SH3TC1: variants seen among roughly 807,000 people sequenced by gnomAD.
The protein encoded by SH3TC1 is SH3 domain and tetratricopeptide repeat-containing protein 1.
A neutral mutation model predicts 117.3 loss-of-function variants in SH3TC1; 135 were observed. The observed-to-expected ratio is 1.15, with a 90% confidence interval of 1.00 to 1.33. The LOEUF is 1.33. Ranked by LOEUF, SH3TC1 falls within the 40% of genes most tolerant of loss-of-function variation. The probability of loss-of-function intolerance (pLI) is 0.00; values close to 1 mark genes in which losing one functional copy is unlikely to be tolerated. For synonymous variants in SH3TC1, 898 were observed against 816.9 expected (o/e 1.10, Z -1.69); for missense variants, 2,092 against 1,794.3 (o/e 1.17, Z -3.00).
intron 12 of SH3TC1, 93 bp downstream of exon 12, chr4:8,228,737 C>A (rs1720837890): frequency 1.8e-6 from 2 of 1,111,240 alleles, no homozygotes; most frequent in African/African-American, 3.1e-5. Flanking sequence ...GGTGGTTTTT[C>A]CACCATCGAA....
intron 1 of SH3TC1, chr4:8,204,676 C>G (rs1178060752): frequency 1.3e-5 from 2 of 152,574 alleles, no homozygotes; most frequent in African/African-American, 4.8e-5. Context: ...TGGGGTTTGT[C>G]CCCTGTGCAC....
intron 1 of SH3TC1, among the ~76,000 whole-genome samples, chr4:8,203,467 C>T (rs1008910985): frequency 4.6e-5 from 7 of 151,922 alleles, no homozygotes; most frequent in South Asian, 2.1e-4. Flanking sequence ...CAGTCTTGAC[C>T]GCCTCTGGGT....
At chr4:8,236,479 C>A in intron 16 of SH3TC1, 51 bp downstream of exon 16, 1 of 1,423,312 alleles carries the variant, frequency 7.0e-7, no homozygotes, top group Non-Finnish European at 9.2e-7. Context: ...TGCCAGAGCT[C>A]AGCCTCCAGG....
chr4:8,240,737 GC>G lies in SH3TC1; in HGVS notation c.3794del (p.Ala1265GlufsTer13). 3 of 1,613,818 alleles carry G rather than the reference GC, an allele frequency of 1.9e-6. No homozygotes were observed. The highest frequency in any genetic ancestry group is 2.5e-6 in the Non-Finnish European group (3 of 1,179,960). On this transcript the variant is annotated frameshift_variant, in exon 18 of 18. Transcript: ENST00000245105. LOFTEE classifies it low-confidence loss of function (END_TRUNC). Reference protein sequence around the residue: ...DAAGYYQLALAAAVDLGNKKA... With the variant: ...DAAGYYQLALXAAVDLGNKKA... ...AGCCGGGTACTACCAGCTGGCGCTG[GC>G]AGCCGCCGTGGACCTGGGCAACAAG...
chr4:8,196,685 G>A (rs1164374607), upstream of SH3TC1, among the ~76,000 whole-genome samples: 1 of 152,168 alleles, frequency 6.6e-6, no homozygotes, highest in East Asian at 1.9e-4. This position sits in a 1 kb window ranked among gnomAD's most constrained non-coding sequence, Gnocchi z 4.6. Context: ...TCCAGCTGGT[G>A]GGGGCTGGGC....
At chr4:8,207,805 C>T (rs532720033) in intron 2 of SH3TC1, among the ~76,000 whole-genome samples, 3 of 152,340 alleles carry the variant, frequency 2.0e-5, no homozygotes, top group Admixed American at 2.0e-4. Context: ...CCTGCCATAG[C>T]CCTGGGATCG....
At chr4:8,182,628 C>T (rs1281312847) in intron 1 of SH3TC1, among the ~76,000 whole-genome samples, 1 of 152,152 alleles carries the variant, frequency 6.6e-6, no homozygotes, top group Non-Finnish European at 1.5e-5. Context: ...ACCCTCCGTG[C>T]CTCAGTTTCC....
In SH3TC1 at chr4:8,199,794, G is replaced by C. The variant is rs112306243; in HGVS notation, c.-29+389G>C. Among the ~76,000 whole-genome samples the C allele has an allele frequency of 3.5e-3, 533 of 152,280 alleles. 6 individuals carry two copies. The highest frequency in any genetic ancestry group is 0.012 in the African/African-American group (510 of 41,568). ...CAGGTGTGACCCCAGCGCCCGGTTA[G>C]CTTGGGCCACACTACCAGACCTACC... On this transcript the variant is annotated intron_variant, in intron 1 of 17. Transcript: ENST00000245105.
At chr4:8,194,667 A>G (rs1717507513), upstream of SH3TC1, among the ~76,000 whole-genome samples, 2 of 152,216 alleles carry the variant, frequency 1.3e-5, no homozygotes, top group South Asian at 2.1e-4. Flanking sequence ...CACCCTGGCG[A>G]TGGGTCACCT....
rs753156511 is a variant in SH3TC1 at position 8,237,614 on chromosome 4, C to T, written c.3697C>T (p.Leu1233Phe). Residue 1233 changes from leucine to phenylalanine, a missense_variant, in exon 17 of 18, where the codon CTC (leucine) becomes TTC (phenylalanine). Leu to Phe is a conservative substitution (Grantham distance 22). Coordinates refer to ENST00000245105, the MANE Select transcript of SH3TC1 (RefSeq NM_018986.5). ...GCCGCTGGAGTTTGACGAGGAGACC[C>T]TCTACTACGTGAAGGTGTACCTGGT... ...NSPLEFDEET[L>F]YYVKVYLVLG... 4.3e-6 allele frequency: 7 copies of T among 1,612,480 alleles called. No individual in the cohort carries two copies. Among genetic ancestry groups the T allele is most frequent in the South Asian group, 1.1e-5 (1 of 90,850 alleles).
chr4:8,209,928 A>G lies in SH3TC1; in HGVS notation c.247+106A>G. ...AGGGCTTCTCAAAGTGTGGCCTCAG[A>G]CTTCCCACCTTAAAATCATGATGGG... On this transcript the variant is annotated intron_variant, in intron 3 of 17. Coordinates refer to ENST00000245105, the MANE Select transcript of SH3TC1 (RefSeq NM_018986.5). The surrounding 1 kb of genome is among the most constrained non-coding windows in gnomAD (Gnocchi z 5.9). 1 of 1,117,860 alleles carries G rather than the reference A, an allele frequency of 8.9e-7. No homozygotes were observed. The highest frequency in any genetic ancestry group is 1.6e-5 in the African/African-American group (1 of 64,020). 69.2% of individuals were successfully genotyped at this position (1,117,860 alleles called of 1,614,324 possible). A position where few individuals can be genotyped will look rare whatever the true frequency, so the allele number is the denominator to read the frequency against.
chr4:8,209,872 G>C lies in SH3TC1; in HGVS notation c.247+50G>C, dbSNP rs775975398. 5.1e-6 allele frequency: 8 copies of C among 1,574,852 alleles called. No individual in the cohort carries two copies. In the South Asian group the frequency reaches 8.0e-5, roughly 16 times the overall value. On this transcript the variant is annotated intron_variant, in intron 3 of 17. Coordinates refer to ENST00000245105, the MANE Select transcript of SH3TC1 (RefSeq NM_018986.5). The surrounding 1 kb of genome is among the most constrained non-coding windows in gnomAD (Gnocchi z 5.9). Reference sequence around the variant, plus strand: ...GGCTTCAGGTTCAAATCCGGGCTGTGCCGCTCCCTGGGCATCCAAGAGTCC... The same window carrying C: ...GGCTTCAGGTTCAAATCCGGGCTGTCCCGCTCCCTGGGCATCCAAGAGTCC...
At chr4:8,218,208 C>A in intron 7 of SH3TC1, 63 bp from the exon 8 acceptor site, 1 of 1,349,134 alleles carries the variant, frequency 7.4e-7, no homozygotes. Flanking sequence ...CCAGTCTCTG[C>A]ACAGGATGTA....
chr4:8,187,253 C>A (rs1473015541), intron 1 of SH3TC1, among the ~76,000 whole-genome samples: 1 of 152,254 alleles, frequency 6.6e-6, no homozygotes, highest in African/African-American at 2.4e-5. Flanking sequence ...TGCACTCCTG[C>A]TCCCATCTTA....
rs1332751684 is a variant in SH3TC1, at chr4:8,214,459, A to G, written c.376-16A>G. ...GCTCCTGGGGACCTCTCGAATTCCT[A>G]TTTCTTTCTCTTAAGGAATTATCAG... On this transcript the variant is annotated splice_polypyrimidine_tract_variant and intron_variant, in intron 4 of 17. Coordinates refer to ENST00000245105, the MANE Select transcript of SH3TC1 (RefSeq NM_018986.5). 2 of 1,610,176 alleles carry G rather than the reference A, an allele frequency of 1.2e-6. No homozygotes were observed. The highest frequency in any genetic ancestry group is 2.7e-5 in the African/African-American group (2 of 74,730).
In SH3TC1 at chr4:8,192,755, G is replaced by C. The variant is rs191328933; in HGVS notation, c.-57+10545G>C. On this transcript the variant is annotated intron_variant, in intron 1 of 16. Coordinates refer to the SH3TC1 transcript ENST00000508641. This position sits in a 1 kb window ranked among gnomAD's most constrained non-coding sequence, Gnocchi z 4.1. Reference sequence around the variant, plus strand: ...GATCCACCTGCCTTGGTCTCCCTAAGTGCTGGGATTACAGGCGTGAGCCAC... The same window carrying C: ...GATCCACCTGCCTTGGTCTCCCTAACTGCTGGGATTACAGGCGTGAGCCAC... Among the ~76,000 whole-genome samples, 244 of 152,324 alleles carry C rather than the reference G, an allele frequency of 1.6e-3. 1 individual carries two copies. The highest frequency in any genetic ancestry group is 5.6e-3 in the African/African-American group (234 of 41,560).
At position 8,235,524 on chromosome 4, in the gene SH3TC1, G is replaced by A. The variant is rs761176334; in HGVS notation, c.3374G>A (p.Trp1125Ter). ...AAGDIFFDGA[W>*]EREKAVSFYR... is the part of the protein sequence containing the mutation. ...GGAGACATCTTCTTCGACGGGGCCT[G>A]GGAGCGGGAGAAAGCTGTGTCCTTC... is the stretch of plus-strand genomic sequence containing the variant. The change falls in exon 15 of 18, where the codon TGG (tryptophan) becomes TAG (stop). Residue 1125 changes from tryptophan to a stop codon, truncating the protein, a stop_gained. Transcript: ENST00000245105. LOFTEE classifies it high-confidence loss of function. The A allele has an allele frequency of 2.5e-6, 4 of 1,606,384 alleles. No homozygotes were observed. Among genetic ancestry groups the A allele is most frequent in the South Asian group, 1.1e-5 (1 of 89,944 alleles).
intron 3 of SH3TC1, 88 bp from the exon 4 acceptor site, chr4:8,212,613 G>A (rs747897394): frequency 2.2e-4 from 340 of 1,576,968 alleles, no homozygotes; most frequent in Non-Finnish European, 2.9e-4. Flanking sequence ...CAGGTGTGTG[G>A]GTTGGAGGCT....
chr4:8,191,569 G>T (rs73798646), intron 1 of SH3TC1, among the ~76,000 whole-genome samples: 1 of 152,184 alleles, frequency 6.6e-6, no homozygotes, highest in East Asian at 1.9e-4. Flanking sequence ...ATAGGGCACC[G>T]TCCTAGCCCT....
Sources: gnomAD v4.1 joint callset for allele counts (sites outside exome capture counted in the v4.1 genomes callset) on GRCh38, gnomAD v4.1.1 for gene constraint, Gnocchi (gnomAD v3.1) non-coding constraint, MANE v1.5 for transcripts, NCBI Gene and HGNC (gene_info 2026-07-23, HGNC 2026-07-21) for gene names.